Variants in MYO3A observed in about 807,000 individuals in gnomAD.
MYO3A encodes myosin-IIIa.
MYO3A carries 180 observed loss-of-function variants against 192.7 expected under a neutral mutation model. The ratio of observed to expected loss-of-function variants is 0.93; its 90% CI spans 0.83 to 1.06. The LOEUF is 1.06. MYO3A is among the 50% of genes least tolerant of loss of function. The pLI is 0.00. For missense variants in MYO3A, 1,896 were observed against 1,905.0 expected, an observed-to-expected ratio of 1.00 and a Z score of 0.09; for synonymous variants, 628 against 645.3, an observed-to-expected ratio of 0.97 and a Z score of 0.41.
chr10:26,150,112 T>C (rs1055778726), intron 23 of MYO3A, among the ~76,000 whole-genome samples: 1 of 152,124 alleles, frequency 6.6e-6, no homozygotes, highest in African/African-American at 2.4e-5. Flanking sequence ...GGGTTGATCA[T>C]ATCTTGGCTA....
intron 4 of MYO3A, among the ~76,000 whole-genome samples, chr10:25,983,761 A>G (rs1330241443): frequency 1.3e-5 from 2 of 152,204 alleles, no homozygotes; most frequent in Non-Finnish European, 2.9e-5. Flanking sequence ...AGCTCAGAGA[A>G]CACCTGGGAA....
intron 17 of MYO3A, among the ~76,000 whole-genome samples, chr10:26,104,780 T>G (rs569377343): frequency 1.3e-5 from 2 of 152,088 alleles, no homozygotes; most frequent in Non-Finnish European, 2.9e-5. Context: ...CTACATCTGC[T>G]CTCTTTCTCC....
chr10:26,072,563 G>A (rs915419270), intron 14 of MYO3A, among the ~76,000 whole-genome samples: 1 of 152,174 alleles, frequency 6.6e-6, no homozygotes, highest in African/African-American at 2.4e-5. Context: ...TTATTGTCTG[G>A]ATGTGGTGAT....
chr10:26,133,195 G>A (rs758140997), intron 20 of MYO3A, among the ~76,000 whole-genome samples: 3 of 152,086 alleles, frequency 2.0e-5, no homozygotes, highest in African/African-American at 2.4e-5. Context: ...AGCTCTCCAA[G>A]TGATAAGCAT....
intron 4 of MYO3A, among the ~76,000 whole-genome samples, chr10:25,957,752 T>A (rs1837648920): frequency 1.3e-5 from 2 of 152,154 alleles, no homozygotes; most frequent in South Asian, 4.1e-4. Context: ...CTCACCAATA[T>A]CTGTTATTTT....
chr10:26,177,990 GCTGCTCTC>G lies in MYO3A; in HGVS notation c.4438+1154_4438+1161del, dbSNP rs145550923. On this transcript the variant is annotated intron_variant, in intron 31 of 34. Coordinates refer to ENST00000642920, the MANE Select transcript of MYO3A (RefSeq NM_017433.5). ...TGGCTCTTTGGTGCCCTTCATTCCT[GCTGCTCTC>G]CTGCTCTCTGGCCCTGGCTGAGAGC... Among the ~76,000 whole-genome samples the G allele has an allele frequency of 6.0e-3, 918 of 152,330 alleles. 10 individuals carry two copies. Among genetic ancestry groups the G allele is most frequent in the Non-Finnish European group, 0.011 (715 of 68,024 alleles).
intron 4 of MYO3A, among the ~76,000 whole-genome samples, chr10:25,968,602 T>C (rs543161530): frequency 6.6e-6 from 1 of 152,324 alleles, no homozygotes; most frequent in African/African-American, 2.4e-5. Context: ...CCAGTGTAAA[T>C]AGCAAAGGGA....
intron 32 of MYO3A, among the ~76,000 whole-genome samples, chr10:26,198,111 T>C (rs1187774415): frequency 6.6e-6 from 1 of 152,268 alleles, no homozygotes; most frequent in Non-Finnish European, 1.5e-5. Context: ...CAAACATCTC[T>C]GCTTTCAGTT....
intron 10 of MYO3A, among the ~76,000 whole-genome samples, chr10:26,029,637 C>T (rs1160445772): frequency 6.6e-6 from 1 of 151,970 alleles, no homozygotes; most frequent in East Asian, 1.9e-4. Flanking sequence ...TTTTGTTAAT[C>T]ACTCTTTTCA....
intron 23 of MYO3A, among the ~76,000 whole-genome samples, chr10:26,152,534 T>G (rs980507782): frequency 2.0e-5 from 3 of 152,226 alleles, no homozygotes; most frequent in Admixed American, 1.3e-4. Flanking sequence ...TAGGGGAAAG[T>G]GCACCACAGT....
chr10:26,136,378 G>A (rs1839846184), intron 20 of MYO3A, among the ~76,000 whole-genome samples: 1 of 152,150 alleles, frequency 6.6e-6, no homozygotes, highest in South Asian at 2.1e-4. Context: ...TATCAGAGAA[G>A]GCTATGACAT....
intron 2 of MYO3A, among the ~76,000 whole-genome samples, chr10:25,938,111 A>G (rs1004286176): frequency 1.3e-5 from 2 of 152,172 alleles, no homozygotes; most frequent in African/African-American, 4.8e-5. Flanking sequence ...TTGTTTTATT[A>G]TTTTCATAGT....
rs530527614 is a variant in MYO3A at position 25,949,689 on chromosome 10, G to A, written c.-17-2405G>A. ...TAGCCATTTACTCGATAATGTGCCC[G>A]TAAGTATAATGAATCAGAATATGCT... On this transcript the variant is annotated intron_variant, in intron 2 of 34. Coordinates refer to ENST00000642920, the MANE Select transcript of MYO3A (RefSeq NM_017433.5). 3.0e-3 allele frequency among the ~76,000 whole-genome samples: 454 copies of A among 152,134 alleles called. 2 individuals carry two copies. Among genetic ancestry groups the A allele is most frequent in the Non-Finnish European group, 4.4e-3 (298 of 67,980 alleles).
intron 29 of MYO3A, among the ~76,000 whole-genome samples, chr10:26,172,934 A>G (rs969807970): frequency 2.0e-5 from 3 of 152,202 alleles, no homozygotes; most frequent in African/African-American, 7.2e-5. Flanking sequence ...GTTTGGTGCA[A>G]AAGCCCTCCA....
intron 10 of MYO3A, among the ~76,000 whole-genome samples, chr10:26,054,041 G>A (rs796241425): frequency 2.6e-4 from 39 of 152,214 alleles, no homozygotes; most frequent in African/African-American, 8.7e-4. Context: ...AAGAGGGATC[G>A]AGAAAGCTAG....
In MYO3A at chr10:26,157,509, T is replaced by A. The variant is rs780312422; in HGVS notation, c.2993T>A (p.Ile998Lys). The A allele has an allele frequency of 1.2e-6, 2 of 1,613,448 alleles. No individual in the cohort carries two copies. ...CATCGGATACTTTTTGCTAACTTTA[T>A]AAAGCGGTATGTGGATTTCTTTTTC... Reference protein sequence around the residue: ...FSHRILFANFIKRYYLLCYKS... With the variant: ...FSHRILFANFKKRYYLLCYKS... The change falls in exon 26 of 35, where the codon ATA becomes AAA. Residue 998 changes from isoleucine to lysine, a missense_variant. Transcript: ENST00000642920.
chr10:26,176,176 C>T (rs1188033283), intron 30 of MYO3A, among the ~76,000 whole-genome samples: 2 of 152,118 alleles, frequency 1.3e-5, no homozygotes, highest in African/African-American at 4.8e-5. Context: ...CACCTGTAGT[C>T]CCAGCTACTC....
intron 2 of MYO3A, among the ~76,000 whole-genome samples, chr10:25,946,794 C>T (rs965553953): frequency 4.0e-4 from 52 of 129,302 alleles, no homozygotes; most frequent in Non-Finnish European, 1.1e-4. Flanking sequence ...AGGAGAATGG[C>T]GTGAACCTGG....
intron 17 of MYO3A, among the ~76,000 whole-genome samples, chr10:26,107,308 C>T (rs1837872439): frequency 6.6e-6 from 1 of 151,834 alleles, no homozygotes; most frequent in Admixed American, 6.6e-5. Flanking sequence ...AGTGAAACCC[C>T]GTCTCTACTC....
Sources: allele counts gnomAD v4.1 joint callset (sites outside exome capture counted in the v4.1 genomes callset), GRCh38; gene constraint gnomAD v4.1.1; transcripts MANE v1.5; gene names NCBI Gene and HGNC (gene_info 2026-07-23, HGNC 2026-07-21).